WNK2: variants seen among roughly 807,000 people sequenced by gnomAD.
The protein encoded by WNK2 is serine/threonine-protein kinase WNK2.
WNK2 carries 67 observed loss-of-function variants against 192.1 expected under a neutral mutation model. The observed-to-expected ratio is 0.35, with a 90% CI of 0.29 to 0.43. WNK2 has a LOEUF of 0.43. WNK2 is among the 20% of genes least tolerant of loss of function. WNK2 has a pLI of 1.00. For synonymous variants in WNK2, 1,439 were observed against 1,393.9 expected (o/e 1.03, Z -0.72); for missense variants, 2,698 against 3,089.7 (o/e 0.87, Z 3.01).
intron 2 of WNK2, among the ~76,000 whole-genome samples, chr9:93,225,156 T>G (rs1837600795): frequency 6.6e-6 from 1 of 152,112 alleles, no homozygotes; most frequent in Non-Finnish European, 1.5e-5. Flanking sequence ...GCCAGCACTT[T>G]TGGGAGGCCA....
intron 2 of WNK2, among the ~76,000 whole-genome samples, chr9:93,211,129 CTTACTCAT>C: frequency 6.8e-6 from 1 of 148,048 alleles, no homozygotes; most frequent in African/African-American, 2.5e-5. Context: ...CATCCCCTCA[CTTACTCAT>C]CCACTCACTT....
At chr9:93,261,439 C>T (rs888186565) in intron 12 of WNK2, among the ~76,000 whole-genome samples, 1 of 152,214 alleles carries the variant, frequency 6.6e-6, no homozygotes, top group Non-Finnish European at 1.5e-5. Flanking sequence ...GCCCTATGCA[C>T]ACTCTGACCG....
intron 2 of WNK2, among the ~76,000 whole-genome samples, chr9:93,218,443 T>C (rs1836179709): frequency 6.6e-6 from 1 of 152,154 alleles, no homozygotes; most frequent in Non-Finnish European, 1.5e-5. Context: ...CCCGCCGGGC[T>C]CCCAGTTACC....
Position 93,253,066 on chromosome 9 carries a change from A to G in WNK2, c.2018A>G (p.Gln673Arg), listed in dbSNP as rs1416742672. ...PQSLPSLGAY[Q>R]QPTAAPGLPV... is the part of the protein sequence containing the mutation. ...AGCCTGCCCTCGCTGGGGGCCTACC[A>G]GCAGCCCACGGCTGCAGTGAGTCAG... Residue 673 changes from glutamine (Q) to arginine (R), a missense_variant, in exon 9 of 30, where the codon CAG becomes CGG. Gln to Arg is a conservative substitution (Grantham distance 43, BLOSUM62 1). Transcript: ENST00000427277. 2.0e-6 allele frequency: 3 copies of G among 1,490,008 alleles called. No homozygotes were observed. Among genetic ancestry groups the G allele is most frequent in the East Asian group, 5.2e-5 (2 of 38,220 alleles). The allele number at this position is 1,490,008 out of a possible 1,614,324, so 92.3% of individuals were successfully genotyped here. A position where few individuals can be genotyped will look rare whatever the true frequency, so the allele number is the denominator to read the frequency against.
At position 93,239,711 on chromosome 9, in the gene WNK2, A is replaced by T. The variant is rs555661134; in HGVS notation, c.1323-46A>T. 31 of 1,508,138 alleles carry T rather than the reference A, an allele frequency of 2.1e-5. No homozygotes were observed. The South Asian group carries it at 3.2e-4, about 15-fold the overall frequency. The allele number at this position is 1,508,138 out of a possible 1,614,324, so 93.4% of individuals were successfully genotyped here. On this transcript the variant is annotated intron_variant, in intron 6 of 29. Coordinates refer to ENST00000427277, the MANE Select transcript of WNK2 (RefSeq NM_006648.4). This position sits in a 1 kb window ranked among gnomAD's most constrained non-coding sequence, Gnocchi z 4.2. ...CATGGACACAGGAGCCTGGGCATGG[A>T]GGCCCTGGCGCCCGTGCCCCTGCCT...
Position 93,240,044 on chromosome 9 carries a change from A to G in WNK2, c.1542+68A>G. ...CAGCTCGTGGTTTCCAAGGATGAGA[A>G]CAAAAGTGGGCTGAGGGGGCTTGCT... On this transcript the variant is annotated intron_variant, in intron 7 of 29. Coordinates refer to ENST00000427277, the MANE Select transcript of WNK2 (RefSeq NM_006648.4). 3 of 1,502,056 alleles carry G rather than the reference A, an allele frequency of 2.0e-6. No homozygotes were observed. In the South Asian group the frequency reaches 3.7e-5, roughly 18 times the overall value. The allele number at this position is 1,502,056 out of a possible 1,614,324, so 93.0% of individuals were successfully genotyped here. A position where few individuals can be genotyped will look rare whatever the true frequency, so the allele number is the denominator to read the frequency against.
chr9:93,235,090 G>C, intron 5 of WNK2, 125 bp downstream of exon 5: 3 of 1,191,004 alleles, frequency 2.5e-6, no homozygotes, highest in Non-Finnish European at 3.5e-6. Flanking sequence ...TGGCCATTTT[G>C]CAGAGGGGGA....
chr9:93,210,117 T>C (rs1834228245), intron 2 of WNK2, among the ~76,000 whole-genome samples: 1 of 152,142 alleles, frequency 6.6e-6, no homozygotes, highest in South Asian at 2.1e-4. Context: ...GGCCCATGGC[T>C]GGTGTGGCTG....
At position 93,239,865 on chromosome 9, in the gene WNK2, G is replaced by T; in HGVS notation, c.1431G>T (p.Arg477Ser). ...GCAGGAAGTCCACCATCGCCCTGAGGCTCTGGGTGGAAGACCCCAAGAAAC... is the reference window on the plus strand; with the variant it reads ...GCAGGAAGTCCACCATCGCCCTGAGTCTCTGGGTGGAAGACCCCAAGAAAC... ...DHGRKSTIALRLWVEDPKKLK... is the reference protein window; with the variant it reads ...DHGRKSTIALSLWVEDPKKLK... Residue 477 changes from arginine to serine, a missense_variant, in exon 7 of 30, where the codon AGG becomes AGT. Around this residue, in one of 7 missense-constraint regions of WNK2, gnomAD observed 230 missense variants for 501.1 expected, o/e 0.46. Transcript: ENST00000427277. This position sits in a 1 kb window ranked among gnomAD's most constrained non-coding sequence, Gnocchi z 4.2. The T allele has an allele frequency of 6.2e-7, 1 of 1,605,050 alleles. No homozygotes were observed. The highest frequency in any genetic ancestry group is 1.7e-4 in the Middle Eastern group (1 of 6,052).
intron 19 of WNK2, among the ~76,000 whole-genome samples, chr9:93,277,059 A>G (rs1442604358): frequency 6.6e-6 from 1 of 152,094 alleles, no homozygotes; most frequent in Non-Finnish European, 1.5e-5. Context: ...TGAGCAACTC[A>G]CTTGAGCAGA....
intron 2 of WNK2, among the ~76,000 whole-genome samples, chr9:93,194,177 C>G (rs572895411): frequency 6.6e-6 from 1 of 152,080 alleles, no homozygotes; most frequent in Non-Finnish European, 1.5e-5. Flanking sequence ...GATATAACAC[C>G]AAAGGCACAG....
At position 93,300,111 on chromosome 9, in the gene WNK2, G is replaced by C. The variant is rs568767917; in HGVS notation, c.6176G>C (p.Arg2059Pro). ...ACCTATAAGTCTAGTAGCAAACCTC[G>C]TGCTCGATTCCTCAGTGGACCCGTA... Reference protein sequence around the residue: ...RVTYKSSSKPRARFLSGPVSV... With the variant: ...RVTYKSSSKPPARFLSGPVSV... The change falls in exon 26 of 30, where the codon CGT becomes CCT. Residue 2059 changes from arginine to proline, a missense_variant. Physicochemically the swap from Arg to Pro is moderately radical, Grantham distance 103 (BLOSUM62 -2). This residue lies in a region of WNK2 where 29 missense variants were observed against 55.6 expected (regional missense o/e 0.52). Transcript: ENST00000427277. 1 of 1,613,242 alleles carries C rather than the reference G, an allele frequency of 6.2e-7. No individual in the cohort carries two copies. Among genetic ancestry groups the C allele is most frequent in the African/African-American group, 1.3e-5 (1 of 74,812 alleles).
chr9:93,233,598 T>A (rs1325303618), intron 4 of WNK2, among the ~76,000 whole-genome samples: 1 of 149,376 alleles, frequency 6.7e-6, no homozygotes, highest in Non-Finnish European at 1.5e-5. Flanking sequence ...CTTGGGAGGC[T>A]GAAGCAGGAG....
intron 19 of WNK2, among the ~76,000 whole-genome samples, chr9:93,272,738 C>CAAAGA (rs771974952): frequency 1.1e-5 from 1 of 90,802 alleles, no homozygotes; most frequent in Non-Finnish European, 2.0e-5. Flanking sequence ...AACTCCGTCT[C>CAAAGA]AAAAAAAAAA....
chr9:93,214,121 A>C (rs1422015230), intron 2 of WNK2, among the ~76,000 whole-genome samples: 1 of 152,132 alleles, frequency 6.6e-6, no homozygotes, highest in African/African-American at 2.4e-5. Flanking sequence ...AACGTCTCAC[A>C]GCACTTTCCC....
At chr9:93,285,742 G>A (rs1480644660) in intron 19 of WNK2, among the ~76,000 whole-genome samples, 2 of 152,150 alleles carry the variant, frequency 1.3e-5, no homozygotes, top group African/African-American at 4.8e-5. Context: ...TAAAAACCAA[G>A]ACAGCTTCTA....
rs985847608 is a variant in WNK2, at chr9:93,318,727, CT to C, written c.6628+1097del. On this transcript the variant is annotated intron_variant, in intron 29 of 29. Transcript: ENST00000427277. ...CTGCTCACCCCTGGCATGCAGACCG[CT>C]CTCCCGTCCAGCCCTAAGCCTGCTC... is the stretch of plus-strand genomic sequence containing the variant. 3.0e-5 allele frequency: 43 copies of C among 1,439,822 alleles called. No individual in the cohort carries two copies. The Admixed American group carries it at 9.4e-4, about 31-fold the overall frequency. The allele number at this position is 1,439,822 out of a possible 1,614,324, so 89.2% of individuals were successfully genotyped here.
chr9:93,201,064 C>T (rs1279287083), intron 2 of WNK2, among the ~76,000 whole-genome samples: 1 of 152,098 alleles, frequency 6.6e-6, no homozygotes, highest in African/African-American at 2.4e-5. Context: ...GTGTGCAGCC[C>T]CTCCCCAGTG....
At chr9:93,195,699 C>CAAAAAAAAAAAAAAAAAAAAAAAA (rs59357990) in intron 2 of WNK2, among the ~76,000 whole-genome samples, 1 of 41,670 alleles carries the variant, frequency 2.4e-5, no homozygotes, top group African/African-American at 1.2e-4. Flanking sequence ...GACTTTGTCT[C>CAAAAAAAAAAAAAAAAAAAAAAAA]AAAAAAAAAA....
Sources: gnomAD v4.1 joint callset for allele counts (sites outside exome capture counted in the v4.1 genomes callset) on GRCh38, gnomAD v4.1.1 for gene constraint, gnomAD v4.1.1 regional missense constraint, Gnocchi (gnomAD v3.1) non-coding constraint, MANE v1.5 for transcripts, NCBI Gene and HGNC (gene_info 2026-07-23, HGNC 2026-07-21) for gene names.